ACTN4: variants seen among roughly 807,000 people sequenced by gnomAD.
ACTN4 encodes the protein alpha-actinin-4.
A neutral mutation model predicts 114.2 loss-of-function variants in ACTN4; 18 were observed. The observed-to-expected ratio is 0.16, with a 90% CI of 0.11 to 0.23. ACTN4 has a LOEUF of 0.23. ACTN4 is among the 10% of genes least tolerant of loss of function. The pLI is 1.00. For synonymous variants in ACTN4, 515 were observed against 506.3 expected (o/e 1.02, Z -0.23); for missense variants, 722 against 1,262.9 (o/e 0.57, Z 6.49).
At position 38,727,066 on chromosome 19, in the gene ACTN4, T is replaced by C; in HGVS notation, c.2300T>C (p.Met767Thr). ...GCCAAGGGCATCAGCCAGGAGCAGA[T>C]GCAGGAGTTCCGGGCGTCCTTCAAC... is the stretch of plus-strand genomic sequence containing the variant. The part of the protein sequence containing the change: ...RDAKGISQEQ[M>T]QEFRASFNHF... The change falls in exon 18 of 21, where the codon ATG (methionine) becomes ACG (threonine). Residue 767 changes from methionine (M) to threonine (T), a missense_variant. Coordinates refer to ENST00000252699, the MANE Select transcript of ACTN4 (RefSeq NM_004924.6). The surrounding 1 kb of genome is among the most constrained non-coding windows in gnomAD (Gnocchi z 5.4). 6.2e-7 allele frequency: 1 copy of C among 1,614,140 alleles called. No homozygotes were observed. Among genetic ancestry groups the C allele is most frequent in the Non-Finnish European group, 8.5e-7 (1 of 1,180,026 alleles).
intron 12 of ACTN4, 133 bp downstream of exon 12, chr19:38,721,821 C>G: frequency 7.5e-7 from 1 of 1,332,948 alleles, no homozygotes; most frequent in Non-Finnish European, 1.0e-6. Flanking sequence ...ACTGCACCTC[C>G]TTCCAGAAGC....
Position 38,729,658 on chromosome 19 carries a change from G to C in ACTN4, c.*226G>C. 1.4e-6 allele frequency: 1 copy of C among 717,806 alleles called. No individual in the cohort carries two copies. The highest frequency in any genetic ancestry group is 2.7e-5 in the East Asian group (1 of 36,924). The allele number at this position is 717,806 out of a possible 1,614,324, so 44.5% of individuals were successfully genotyped here. A position where few individuals can be genotyped will look rare whatever the true frequency, so the allele number is the denominator to read the frequency against. On this transcript the variant is annotated 3_prime_UTR_variant, in exon 21 of 21. Transcript: ENST00000252699. ...GGGGAGACTTGGGGCCAGCGCTTCT[G>C]GTCTGGTAAATATGTATGATGTGTT...
chr19:38,669,648 G>C (rs1437861436), intron 1 of ACTN4, among the ~76,000 whole-genome samples: 1 of 152,160 alleles, frequency 6.6e-6, no homozygotes, highest in Non-Finnish European at 1.5e-5. Flanking sequence ...TGTTTTAGTA[G>C]CTGCATTTGG....
intron 1 of ACTN4, among the ~76,000 whole-genome samples, chr19:38,670,945 G>A (rs773434018): frequency 7.3e-5 from 11 of 151,186 alleles, no homozygotes; most frequent in Admixed American, 1.3e-4. Context: ...AAAACCTGCA[G>A]GCCATACAAA....
Position 38,724,199 on chromosome 19 carries a change from G to A in ACTN4, c.1735G>A (p.Asp579Asn). 6.2e-7 allele frequency: 1 copy of A among 1,613,870 alleles called. No individual in the cohort carries two copies. Reference sequence around the variant, plus strand: ...TGACCAGTTCAAGTCCACCCTGCCGGACGCCGATAGGGAGCGCGAGGCCAT... The same window carrying A: ...TGACCAGTTCAAGTCCACCCTGCCGAACGCCGATAGGGAGCGCGAGGCCAT... ...AHDQFKSTLPDADREREAILA... is the reference protein window; with the variant it reads ...AHDQFKSTLPNADREREAILA... Residue 579 changes from aspartate to asparagine, a missense_variant, in exon 15 of 21, where the codon GAC becomes AAC. Around this residue, in one of 3 missense-constraint regions of ACTN4, gnomAD observed 523 missense variants for 875.9 expected, o/e 0.60. Transcript: ENST00000252699. The surrounding 1 kb of genome is among the most constrained non-coding windows in gnomAD (Gnocchi z 7.0).
At chr19:38,676,933 C>G (rs746538180) in intron 1 of ACTN4, among the ~76,000 whole-genome samples, 3 of 152,140 alleles carry the variant, frequency 2.0e-5, no homozygotes, top group Non-Finnish European at 2.9e-5. Context: ...GATCAGTGTC[C>G]CTTGCCCTCA....
At chr19:38,673,554 T>A (rs1184803517) in intron 1 of ACTN4, among the ~76,000 whole-genome samples, 6 of 101,130 alleles carry the variant, frequency 5.9e-5, no homozygotes, top group South Asian at 2.7e-4. Context: ...TATTTATATA[T>A]ACTTATATAT....
At position 38,704,998 on chromosome 19, in the gene ACTN4, C is replaced by T; in HGVS notation, c.462C>T (p.Ala154=). 4.3e-6 allele frequency: 7 copies of T among 1,614,238 alleles called. No homozygotes were observed. Among genetic ancestry groups the T allele is most frequent in the Non-Finnish European group, 5.9e-6 (7 of 1,180,034 alleles). The change falls in exon 4 of 21, where the codon GCC becomes GCT. Residue 154 remains alanine (A), a synonymous_variant. Transcript: ENST00000252699. ...TCTGGACCATCATCCTTAGGTTCGCCATCCAGGACATCTCCGTGGAAGGTG... is the reference window on the plus strand; with the variant it reads ...TCTGGACCATCATCCTTAGGTTCGCTATCCAGGACATCTCCGTGGAAGGTG... ...GMIWTIILRF[A]IQDISVEETS... is the part of the protein sequence containing the mutation.
chr19:38,723,094 C>G (rs1199918299), intron 12 of ACTN4, among the ~76,000 whole-genome samples: 1 of 152,200 alleles, frequency 6.6e-6, no homozygotes, highest in Non-Finnish European at 1.5e-5. Flanking sequence ...CTGAGGGAAC[C>G]GAGGCACAGA....
intron 6 of ACTN4, 113 bp downstream of exon 6, chr19:38,708,308 C>T (rs1256463057): frequency 2.5e-6 from 3 of 1,203,946 alleles, no homozygotes; most frequent in Non-Finnish European, 3.6e-6. Flanking sequence ...CTGGGTTCTG[C>T]ACGCAGATGG....
Position 38,714,451 on chromosome 19 carries a change from CTG to C in ACTN4, c.820-13_820-12del, listed in dbSNP as rs1316941489. 1.9e-6 allele frequency: 3 copies of C among 1,612,744 alleles called. No homozygotes were observed. Among genetic ancestry groups the C allele is most frequent in the African/African-American group, 1.3e-5 (1 of 75,008 alleles). Reference sequence around the variant, plus strand: ...GTGGCCAGCCCCCAGGCAGCCCTGACTGTGTGCTCCCCTCCAGGCTGAAACTG... The same window carrying C: ...GTGGCCAGCCCCCAGGCAGCCCTGACTGTGCTCCCCTCCAGGCTGAAACTG... On this transcript the variant is annotated splice_polypyrimidine_tract_variant and intron_variant, in intron 8 of 20. Transcript: ENST00000252699.
intron 1 of ACTN4, among the ~76,000 whole-genome samples, chr19:38,698,120 G>T (rs568036586): frequency 1.3e-5 from 2 of 152,178 alleles, no homozygotes. Flanking sequence ...CTGTGGAGGG[G>T]GTGGGCAGGA....
chr19:38,679,649 T>C (rs562331617), intron 1 of ACTN4, among the ~76,000 whole-genome samples: 9 of 151,444 alleles, frequency 5.9e-5, no homozygotes, highest in Admixed American at 2.6e-4. Context: ...TGGAGTACAG[T>C]GGTGAGATCA....
chr19:38,686,072 C>T (rs1967732215), intron 1 of ACTN4, among the ~76,000 whole-genome samples: 1 of 152,178 alleles, frequency 6.6e-6, no homozygotes, highest in Non-Finnish European at 1.5e-5. Flanking sequence ...GCAGTTCCTG[C>T]ACCTGGCAAG....
Position 38,695,546 on chromosome 19 carries a change from C to G in ACTN4, c.163-5054C>G, listed in dbSNP as rs142413800. On this transcript the variant is annotated intron_variant, in intron 1 of 20. Coordinates refer to ENST00000252699, the MANE Select transcript of ACTN4 (RefSeq NM_004924.6). ...AGGGGCTCTTCACCCTGCTTTATTC[C>G]TGGCCATCACACATTGACCCTTGTC... Among the ~76,000 whole-genome samples, 435 of 152,300 alleles carry G rather than the reference C, an allele frequency of 2.9e-3. 2 individuals carry two copies. Among genetic ancestry groups the G allele is most frequent in the African/African-American group, 1.0e-2 (415 of 41,576 alleles).
Position 38,674,450 on chromosome 19 carries a change from A to G in ACTN4, c.163-26150A>G, listed in dbSNP as rs977519577. 5.3e-5 allele frequency among the ~76,000 whole-genome samples: 8 copies of G among 152,196 alleles called. No individual in the cohort carries two copies. In the South Asian group the frequency reaches 1.4e-3, roughly 28 times the overall value. On this transcript the variant is annotated intron_variant, in intron 1 of 20. Coordinates refer to ENST00000252699, the MANE Select transcript of ACTN4 (RefSeq NM_004924.6). ...AGTCACTGTTTTAGGTACTGGGTGT[A>G]CAACAGTGAAAAAAGAACTTCCCAG... is the stretch of plus-strand genomic sequence containing the variant.
In ACTN4 at chr19:38,729,341, G is replaced by A. The variant is rs1197782546; in HGVS notation, c.2645G>A (p.Arg882His). 5.0e-6 allele frequency: 8 copies of A among 1,612,444 alleles called. No homozygotes were observed. The highest frequency in any genetic ancestry group is 2.2e-5 in the East Asian group (1 of 44,830). ...PPDQAEYCIA[R>H]MAPYQGPDAV... The stretch of plus-strand genomic sequence containing the variant: ...GACCAGGCCGAGTACTGCATCGCCC[G>A]CATGGCGCCATACCAGGGCCCTGAC... The change falls in exon 21 of 21, where the codon CGC becomes CAC. Residue 882 changes from arginine to histidine, a missense_variant. By Grantham distance (29) the Arg-to-His change is conservative (BLOSUM62 0). Around this residue, in one of 3 missense-constraint regions of ACTN4, gnomAD observed 523 missense variants for 875.9 expected, o/e 0.60. Coordinates refer to ENST00000252699, the MANE Select transcript of ACTN4 (RefSeq NM_004924.6).
chr19:38,723,365 G>T (rs1969111937), intron 12 of ACTN4, among the ~76,000 whole-genome samples: 1 of 152,194 alleles, frequency 6.6e-6, no homozygotes, highest in African/African-American at 2.4e-5. Context: ...GCAGGAGGAA[G>T]CCGCTTCCCT....
chr19:38,648,217 T>G (rs1976447088), intron 1 of ACTN4: 1 of 257,552 alleles, frequency 3.9e-6, no homozygotes, highest in Non-Finnish European at 7.4e-6. Flanking sequence ...AGGAGATGAC[T>G]GGGCAGGCTG....
Sources: gnomAD v4.1 joint callset for allele counts (sites outside exome capture counted in the v4.1 genomes callset) on GRCh38, gnomAD v4.1.1 for gene constraint, gnomAD v4.1.1 regional missense constraint, Gnocchi (gnomAD v3.1) non-coding constraint, MANE v1.5 for transcripts, NCBI Gene and HGNC (gene_info 2026-07-23, HGNC 2026-07-21) for gene names.